The following TLL1 variants were observed in gnomAD, a reference collection of about 807,000 sequenced individuals.
TLL1 encodes the protein tolloid-like protein 1.
TLL1 carries 49 observed loss-of-function variants against 128.2 expected under a neutral mutation model. The ratio of observed to expected loss-of-function variants is 0.38; its 90% CI spans 0.30 to 0.48. The LOEUF (loss-of-function observed/expected upper bound fraction) is 0.48. Ranked by LOEUF, TLL1 falls within the 20% of genes least tolerant of loss-of-function variation. The pLI is 0.96. For synonymous variants in TLL1, 454 were observed against 418.8 expected (o/e 1.08, Z -1.03); for missense variants, 1,123 against 1,242.0 (o/e 0.90, Z 1.44).
intron 1 of TLL1, among the ~76,000 whole-genome samples, chr4:165,933,449 C>A (rs866252657): frequency 1.3e-5 from 2 of 152,116 alleles, no homozygotes; most frequent in Non-Finnish European, 2.9e-5. Flanking sequence ...ACTGCACAGA[C>A]CGTCATCATC....
chr4:166,095,815 C>T (rs572641443), intron 19 of TLL1, among the ~76,000 whole-genome samples: 4 of 152,156 alleles, frequency 2.6e-5, no homozygotes, highest in African/African-American at 4.8e-5. Context: ...CTGTAAGAAC[C>T]GCTTTGGCAG....
chr4:165,983,560 CTGTATA>C (rs1420935845), intron 1 of TLL1, among the ~76,000 whole-genome samples: 8 of 151,806 alleles, frequency 5.3e-5, no homozygotes, highest in African/African-American at 1.9e-4. Context: ...GTGTCTGTAT[CTGTATA>C]TGTATATAGA....
intron 1 of TLL1, among the ~76,000 whole-genome samples, chr4:165,919,189 C>T (rs1317401189): frequency 6.6e-6 from 1 of 151,698 alleles, no homozygotes; most frequent in Non-Finnish European, 1.5e-5. Context: ...TGAGGCTAGC[C>T]TGGGCAACAT....
At chr4:166,042,248 G>T (rs1210196878) in intron 11 of TLL1, 105 bp downstream of exon 11, 21 of 786,068 alleles carry the variant, frequency 2.7e-5, no homozygotes, top group Non-Finnish European at 4.2e-5. Context: ...GTAAAATTAT[G>T]AATTTTTCTG....
chr4:165,923,497 CG>C (rs1300336801), intron 1 of TLL1, among the ~76,000 whole-genome samples: 1 of 126,284 alleles, frequency 7.9e-6, no homozygotes, highest in Non-Finnish European at 1.6e-5. Flanking sequence ...GGTACGATCT[CG>C]GCTCACTGCA....
chr4:165,949,305 A>G (rs763690622), intron 1 of TLL1, among the ~76,000 whole-genome samples: 1 of 152,110 alleles, frequency 6.6e-6, no homozygotes, highest in Non-Finnish European at 1.5e-5. Context: ...TACTTGAGTG[A>G]GATTAGAAGC....
In TLL1 at chr4:165,873,871, G is replaced by A; in HGVS notation, c.-34G>A. ...CGGACCGCGGCTGCCTAACCTCTGGGTCCCGTCCCCTCCTTTTCCTCCGGG... is the reference window on the plus strand; with the variant it reads ...CGGACCGCGGCTGCCTAACCTCTGGATCCCGTCCCCTCCTTTTCCTCCGGG... On this transcript the variant is annotated 5_prime_UTR_variant, in exon 1 of 21. Transcript: ENST00000061240. 1 of 1,612,348 alleles carries A rather than the reference G, an allele frequency of 6.2e-7. No homozygotes were observed. The highest frequency in any genetic ancestry group is 8.5e-7 in the Non-Finnish European group (1 of 1,179,812).
rs1579465598 is a variant in TLL1 at position 165,904,266 on chromosome 4, C to G, written c.169+30193C>G. ...GCTCTGAAGTCTAATAAGATTATTA[C>G]CTCATGATTCCTGGAAAAATGCCAT... On this transcript the variant is annotated intron_variant, in intron 1 of 20. Transcript: ENST00000061240. 2.0e-5 allele frequency among the ~76,000 whole-genome samples: 3 copies of G among 152,246 alleles called. No homozygotes were observed. In the South Asian group the frequency reaches 6.2e-4, roughly 32 times the overall value.
chr4:165,997,311 G>A (rs1736930734), intron 5 of TLL1, among the ~76,000 whole-genome samples: 2 of 151,798 alleles, frequency 1.3e-5, no homozygotes, highest in African/African-American at 4.8e-5. Flanking sequence ...TTCAATATTG[G>A]GTCTTTCATC....
intron 1 of TLL1, among the ~76,000 whole-genome samples, chr4:165,885,947 A>G (rs996549094): frequency 6.6e-6 from 1 of 152,104 alleles, no homozygotes; most frequent in Non-Finnish European, 1.5e-5. Context: ...GCTTGCCACA[A>G]TTGGATGTTG....
intron 8 of TLL1, among the ~76,000 whole-genome samples, chr4:166,021,514 C>G (rs1322750845): frequency 2.0e-5 from 3 of 149,198 alleles, no homozygotes; most frequent in Non-Finnish European, 3.0e-5. Context: ...CTCACTGCAA[C>G]CTCCGCCTCC....
chr4:166,103,106 CAGAGTCACA>C lies in TLL1; in HGVS notation c.*2231_*2239del, dbSNP rs1742363856. On this transcript the variant is annotated 3_prime_UTR_variant, in exon 21 of 21. Transcript: ENST00000061240. ...GCTCAAAGAATTTATGTAACCTTCC[CAGAGTCACA>C]GTGTAAAGTTAGATGTTGAAACCCA... The C allele has an allele frequency of 3.3e-5, 5 of 151,806 alleles. No individual in the cohort carries two copies. The highest frequency in any genetic ancestry group is 2.6e-4 in the Admixed American group (4 of 15,194). The allele number at this position is 151,806 out of a possible 1,614,324, so 9.4% of individuals were successfully genotyped here. A position where few individuals can be genotyped will look rare whatever the true frequency, so the allele number is the denominator to read the frequency against.
intron 12 of TLL1, chr4:166,044,502 T>G: frequency 7.7e-7 from 1 of 1,297,324 alleles, no homozygotes; most frequent in South Asian, 1.3e-5. Context: ...CAGATGTATT[T>G]CCTTTTGTTA....
chr4:166,066,024 G>C (rs1740558825), intron 16 of TLL1, among the ~76,000 whole-genome samples, 161 bp downstream of exon 16: 1 of 152,104 alleles, frequency 6.6e-6, no homozygotes, highest in Non-Finnish European at 1.5e-5. Context: ...TTTTTATACA[G>C]TGACTTTACT....
chr4:165,876,505 G>T (rs553758195), intron 1 of TLL1, among the ~76,000 whole-genome samples: 1 of 152,184 alleles, frequency 6.6e-6, no homozygotes, highest in African/African-American at 2.4e-5. Context: ...CCCTTTCTGA[G>T]CTCCTCTAAT....
At chr4:166,094,966 A>G (rs1210742541) in intron 19 of TLL1, among the ~76,000 whole-genome samples, 1 of 152,152 alleles carries the variant, frequency 6.6e-6, no homozygotes, top group Non-Finnish European at 1.5e-5. Flanking sequence ...AGTTAAACTT[A>G]TGATTTTCAA....
chr4:165,932,649 T>G (rs1226185121), intron 1 of TLL1, among the ~76,000 whole-genome samples: 2 of 152,198 alleles, frequency 1.3e-5, no homozygotes, highest in African/African-American at 4.8e-5. Context: ...TTCTTCTTTT[T>G]TTTTTTAGAG....
At chr4:165,928,822 G>A (rs10517872) in intron 1 of TLL1, among the ~76,000 whole-genome samples, 6,908 of 152,134 alleles carry the variant, frequency 0.045, 276 homozygotes, top group East Asian at 0.1. Flanking sequence ...CTTAACTTGC[G>A]CCTCATTGTT....
chr4:166,014,633 A>C lies in TLL1; in HGVS notation c.1042+73A>C, dbSNP rs1737854527. 8.1e-6 allele frequency: 13 copies of C among 1,596,810 alleles called. No individual in the cohort carries two copies. The South Asian group carries it at 1.1e-4, about 14-fold the overall frequency. On this transcript the variant is annotated intron_variant, in intron 8 of 20. Coordinates refer to ENST00000061240, the MANE Select transcript of TLL1 (RefSeq NM_012464.5). ...CTTCCAGATGAATAAGCCATGATTT[A>C]CTCAACTGTTTGTTTGTCTCCCTCC...
Sources: allele counts gnomAD v4.1 joint callset (sites outside exome capture counted in the v4.1 genomes callset), GRCh38; gene constraint gnomAD v4.1.1; transcripts MANE v1.5; gene names NCBI Gene and HGNC (gene_info 2026-07-23, HGNC 2026-07-21).